ZNF675: variants seen among roughly 807,000 people sequenced by gnomAD.
ZNF675 encodes TRAF6 inhibitory zinc finger.
ZNF675 carries 36 observed loss-of-function variants against 56.1 expected under a neutral mutation model. That is an observed-to-expected ratio of 0.64 (90% confidence interval 0.49 to 0.85). The LOEUF (loss-of-function observed/expected upper bound fraction) is 0.85. ZNF675 is among the 40% of genes least tolerant of loss of function. ZNF675 has a pLI of 0.00. For missense variants in ZNF675, 663 were observed against 654.2 expected (o/e 1.01, Z -0.15); for synonymous variants, 200 against 218.9 (o/e 0.91, Z 0.76).
At chr19:23,675,392 A>T (rs914078524) in intron 1 of ZNF675, among the ~76,000 whole-genome samples, 6 of 151,196 alleles carry the variant, frequency 4.0e-5, no homozygotes, top group Non-Finnish European at 8.8e-5. Flanking sequence ...TCTAAAAACA[A>T]CATAATATAC....
At position 23,653,254 on chromosome 19, in the gene ZNF675, C is replaced by G; in HGVS notation, c.1679G>C (p.Gly560Ala). Residue 560 changes from glycine to alanine, a missense_variant, in exon 4 of 4, where the codon GGA becomes GCA. Physicochemically the swap from Gly to Ala is moderately conservative, Grantham distance 60. This residue lies in a region of ZNF675 where 617 missense variants were observed against 590.5 expected (regional missense o/e 1.04). Coordinates refer to ENST00000359788, the MANE Select transcript of ZNF675 (RefSeq NM_138330.3). The part of the protein sequence containing the change: ...NLTKHKKIHT[G>A]EKLQNWNV ...CACATTCCAGTTCTGTAGTTTCTCT[C>G]CAGTATGTATTTTTTTATGTTTAGT... 6.2e-7 allele frequency: 1 copy of G among 1,608,108 alleles called. No homozygotes were observed. Among genetic ancestry groups the G allele is most frequent in the African/African-American group, 1.3e-5 (1 of 74,670 alleles).
intron 3 of ZNF675, among the ~76,000 whole-genome samples, chr19:23,661,023 G>A (rs905007854): frequency 8.6e-5 from 13 of 151,560 alleles, no homozygotes; most frequent in East Asian, 5.9e-4. Context: ...TCCACCTCCC[G>A]GGTTCAAGCG....
chr19:23,656,073 C>T (rs375901766), intron 3 of ZNF675: 1 of 151,914 alleles, frequency 6.6e-6, no homozygotes, highest in African/African-American at 2.4e-5. Flanking sequence ...CTGAGTGACA[C>T]AGTAAAATCT....
chr19:23,672,207 T>C (rs1031853957), intron 1 of ZNF675, among the ~76,000 whole-genome samples: 1 of 146,646 alleles, frequency 6.8e-6, no homozygotes, highest in African/African-American at 2.5e-5. Context: ...AAGAATACTC[T>C]ACTCCAGTTA....
At chr19:23,676,990 CG>C in intron 1 of ZNF675, among the ~76,000 whole-genome samples, 1 of 122,806 alleles carries the variant, frequency 8.1e-6, no homozygotes, top group Non-Finnish European at 1.7e-5. Context: ...AAGAGAATGG[CG>C]GCGTTAACCC....
At chr19:23,670,027 G>A (rs1297651822) in intron 1 of ZNF675, among the ~76,000 whole-genome samples, 2 of 152,012 alleles carry the variant, frequency 1.3e-5, no homozygotes, top group Non-Finnish European at 2.9e-5. Context: ...AAGTTTTCCA[G>A]GGAGATGCCC....
chr19:23,655,641 T>C (rs1301679053), intron 3 of ZNF675: 2 of 151,940 alleles, frequency 1.3e-5, no homozygotes, highest in African/African-American at 4.8e-5. Flanking sequence ...AGGACCCAAA[T>C]CAACAATGAT....
chr19:23,681,538 T>A (rs1188036813), intron 1 of ZNF675, among the ~76,000 whole-genome samples: 1 of 151,740 alleles, frequency 6.6e-6, no homozygotes, highest in Non-Finnish European at 1.5e-5. Flanking sequence ...GCCTCTGTGA[T>A]ATCTTTTTTC....
At chr19:23,661,407 A>AAAG (rs112010660) in intron 3 of ZNF675, among the ~76,000 whole-genome samples, 3 of 148,578 alleles carry the variant, frequency 2.0e-5, no homozygotes, top group African/African-American at 2.5e-5. Flanking sequence ...AAAAAAAAAA[A>AAAG]GGGCGGGGAA....
intron 1 of ZNF675, among the ~76,000 whole-genome samples, chr19:23,665,330 C>G (rs1968135183): frequency 1.1e-5 from 1 of 89,150 alleles, no homozygotes; most frequent in African/African-American, 3.9e-5. Flanking sequence ...GGGCACAGAG[C>G]AAGACCCCAC....
chr19:23,677,127 G>C (rs902759425), intron 1 of ZNF675, among the ~76,000 whole-genome samples: 2 of 148,348 alleles, frequency 1.3e-5, no homozygotes, highest in African/African-American at 2.5e-5. Flanking sequence ...ACTGGCACAA[G>C]ACAAGGGTGC....
Position 23,654,400 on chromosome 19 carries a change from C to T in ZNF675, c.533G>A (p.Gly178Asp). 1 of 1,611,014 alleles carries T rather than the reference C, an allele frequency of 6.2e-7. No homozygotes were observed. Among genetic ancestry groups the T allele is most frequent in the Non-Finnish European group, 8.5e-7 (1 of 1,178,142 alleles). ...ENKPFKCKEC[G>D]RSFCMLSHLT... ...GTGTGAAAGCATGCAAAATGATCTGCCACATTCTTTACATTTGAAAGGTTT... is the reference window on the plus strand; with the variant it reads ...GTGTGAAAGCATGCAAAATGATCTGTCACATTCTTTACATTTGAAAGGTTT... Residue 178 changes from glycine to aspartate, a missense_variant, in exon 4 of 4, where the codon GGC becomes GAC. Gly to Asp is a moderately conservative substitution (Grantham distance 94, BLOSUM62 -1). Coordinates refer to ENST00000359788, the MANE Select transcript of ZNF675 (RefSeq NM_138330.3).
intron 3 of ZNF675, among the ~76,000 whole-genome samples, chr19:23,658,871 A>ATAGATCTATAGATATAGATCTC (rs1968031158): frequency 2.6e-4 from 1 of 3,896 alleles, no homozygotes; most frequent in Non-Finnish European, 5.9e-4. Flanking sequence ...AAATAGATCT[A>ATAGATCTATAGATATAGATCTC]TAGATATCTA....
chr19:23,662,891 C>T (rs953905612), intron 2 of ZNF675, 141 bp downstream of exon 2: 26 of 653,024 alleles, frequency 4.0e-5, no homozygotes, highest in Non-Finnish European at 5.1e-5. Context: ...GGCTGAGGCA[C>T]GAGAATTGCT....
chr19:23,659,535 C>T (rs571305708), intron 3 of ZNF675, among the ~76,000 whole-genome samples: 8 of 152,152 alleles, frequency 5.3e-5, no homozygotes, highest in Non-Finnish European at 1.2e-4. Context: ...TGTAGCAAGA[C>T]TCCATCTCAA....
chr19:23,654,299 A>T lies in ZNF675; in HGVS notation c.634T>A (p.Ser212Thr), dbSNP rs759955616. 4 of 1,611,048 alleles carry T rather than the reference A, an allele frequency of 2.5e-6. No individual in the cohort carries two copies. The Admixed American group carries it at 6.7e-5, about 27-fold the overall frequency. Residue 212 changes from serine (S) to threonine (T), a missense_variant, in exon 4 of 4, where the codon TCT (serine) becomes ACT (threonine). Physicochemically the swap from Ser to Thr is moderately conservative, Grantham distance 58 (BLOSUM62 1). Coordinates refer to ENST00000359788, the MANE Select transcript of ZNF675 (RefSeq NM_138330.3). ...CTTTTATGTTTAGTAAGCTTTGAAG[A>T]TTGGTTAACAGCTTTTTCACATTCT... ...CEECEKAVNQ[S>T]SKLTKHKRIY... is the part of the protein sequence containing the mutation.
chr19:23,656,795 T>C (rs1006925889), intron 3 of ZNF675: 11 of 151,842 alleles, frequency 7.2e-5, no homozygotes, highest in Middle Eastern at 3.4e-3. Flanking sequence ...GTCACACTCA[T>C]AGAAAGTGCA....
At chr19:23,684,305 A>C (rs1022557924) in intron 1 of ZNF675, among the ~76,000 whole-genome samples, 1 of 151,338 alleles carries the variant, frequency 6.6e-6, no homozygotes, top group South Asian at 2.1e-4. Flanking sequence ...TAAGTGCACT[A>C]ATCTTTTCAA....
intron 3 of ZNF675, among the ~76,000 whole-genome samples, chr19:23,657,874 A>G (rs113231843): frequency 6.6e-6 from 1 of 152,206 alleles, no homozygotes; most frequent in African/African-American, 2.4e-5. Context: ...ATTGGGATAG[A>G]TATGTGGCTG....
Sources: allele counts gnomAD v4.1 joint callset (sites outside exome capture counted in the v4.1 genomes callset), GRCh38; gene constraint gnomAD v4.1.1; regional missense constraint gnomAD v4.1.1; transcripts MANE v1.5; gene names NCBI Gene and HGNC (gene_info 2026-07-23, HGNC 2026-07-21).